SGIP1: variants seen among roughly 807,000 people sequenced by gnomAD.
SGIP1 encodes the protein SH3GL interacting endocytic adaptor 1.
A neutral mutation model predicts 107.5 loss-of-function variants in SGIP1; 38 were observed. That is an observed-to-expected ratio of 0.35 (90% CI 0.27 to 0.46). SGIP1 has a LOEUF of 0.46. Ranked by LOEUF, SGIP1 falls within the 20% of genes least tolerant of loss-of-function variation. The pLI is 1.00. For synonymous variants in SGIP1, 365 were observed against 366.1 expected, an observed-to-expected ratio of 1.00 and a Z score of 0.03; for missense variants, 929 against 1,019.5, an observed-to-expected ratio of 0.91 and a Z score of 1.21.
intron 17 of SGIP1, 147 bp from the exon 18 acceptor site, chr1:66,695,287 C>T: frequency 1.6e-6 from 2 of 1,264,568 alleles, no homozygotes; most frequent in Non-Finnish European, 2.0e-6. Context: ...GATTGCCAGC[C>T]TTCCCTTTTT....
rs954140077 is a variant in SGIP1 at position 66,679,831 on chromosome 1, T to C, written c.814+79T>C. On this transcript the variant is annotated intron_variant, in intron 14 of 24. Coordinates refer to ENST00000371037, the MANE Select transcript of SGIP1 (RefSeq NM_032291.4). ...CCGGATGAACATGCCCTTGATGTGT[T>C]GAAAACTGTAGGCTACACAAAAACA... The C allele has an allele frequency of 1.7e-5, 22 of 1,307,304 alleles. No homozygotes were observed. The East Asian group carries it at 6.1e-4, about 36-fold the overall frequency. The allele number at this position is 1,307,304 out of a possible 1,614,324, so 81.0% of individuals were successfully genotyped here.
intron 18 of SGIP1, among the ~76,000 whole-genome samples, chr1:66,708,698 G>T (rs1402124270): frequency 6.6e-6 from 1 of 152,064 alleles, no homozygotes; most frequent in African/African-American, 2.4e-5. Context: ...AAAGACCCAG[G>T]TTGAAGAAAA....
At position 66,700,322 on chromosome 1, in the gene SGIP1, G is replaced by C. The variant is rs1021428033; in HGVS notation, c.1630+4829G>C. On this transcript the variant is annotated intron_variant, in intron 18 of 24. Transcript: ENST00000371037. ...GGAGGTGGAGGTTGCAGTGAGCCAA[G>C]ATTGCACCACTGCACTCCAGCCTGG... Among the ~76,000 whole-genome samples the C allele has an allele frequency of 5.0e-5, 7 of 141,196 alleles. 1 individual carries two copies. Among genetic ancestry groups the C allele is most frequent in the Admixed American group, 3.1e-4 (4 of 13,034 alleles). The allele number at this position is 141,196 out of a possible 152,430, so 92.6% of individuals were successfully genotyped here. A position where few individuals can be genotyped will look rare whatever the true frequency, so the allele number is the denominator to read the frequency against.
chr1:66,659,940 AAAAGAAAGAAAAAG>A lies in SGIP1; in HGVS notation c.460-561_460-548del, dbSNP rs1191802028. Among the ~76,000 whole-genome samples the A allele has an allele frequency of 4.1e-3, 248 of 60,520 alleles. 16 individuals are homozygous for A. Among genetic ancestry groups the A allele is most frequent in the Non-Finnish European group, 6.1e-3 (212 of 34,524 alleles). The allele number at this position is 60,520 out of a possible 152,430, so 39.7% of individuals were successfully genotyped here. On this transcript the variant is annotated intron_variant, in intron 7 of 24. Transcript: ENST00000371037. Reference sequence around the variant, plus strand: ...ACAGAAAGAGAAAAAGAGAGAAAGAAAAAGAAAGAAAAAGAAAGAAAGAAAGAAAGAAAGAAAGA... The same window carrying A: ...ACAGAAAGAGAAAAAGAGAGAAAGAAAAAGAAAGAAAGAAAGAAAGAAAGA...
chr1:66,604,584 A>G (rs1207915970), intron 1 of SGIP1, among the ~76,000 whole-genome samples: 1 of 152,206 alleles, frequency 6.6e-6, no homozygotes, highest in Non-Finnish European at 1.5e-5. Context: ...ACTTTCTCTC[A>G]ACCCATTTTC....
intron 1 of SGIP1, among the ~76,000 whole-genome samples, chr1:66,599,889 A>G (rs139621193): frequency 0.017 from 2,520 of 152,294 alleles, 40 homozygotes; most frequent in Admixed American, 0.039. Flanking sequence ...CAACCTGATG[A>G]ACTCCAATTG....
intron 1 of SGIP1, among the ~76,000 whole-genome samples, chr1:66,564,428 A>G (rs1165159459): frequency 6.6e-6 from 1 of 151,928 alleles, no homozygotes; most frequent in Non-Finnish European, 1.5e-5. Flanking sequence ...GTATCCAGTA[A>G]CCAGGGAAAA....
At chr1:66,543,368 C>T (rs1389996259) in intron 1 of SGIP1, among the ~76,000 whole-genome samples, 1 of 152,106 alleles carries the variant, frequency 6.6e-6, no homozygotes, top group Non-Finnish European at 1.5e-5. Flanking sequence ...ATAATGTGTG[C>T]CATCATTTGA....
intron 1 of SGIP1, among the ~76,000 whole-genome samples, chr1:66,613,069 C>T (rs537663051): frequency 6.6e-6 from 1 of 152,274 alleles, no homozygotes; most frequent in South Asian, 2.1e-4. Flanking sequence ...AACAAGTATA[C>T]AGCATAGTAC....
chr1:66,673,221 T>C, intron 11 of SGIP1, 60 bp from the exon 12 acceptor site: 1 of 1,520,428 alleles, frequency 6.6e-7, no homozygotes, highest in South Asian at 1.1e-5. Flanking sequence ...CTTGTATATC[T>C]TTTTGAGTAT....
chr1:66,678,448 G>C (rs745727506), intron 13 of SGIP1, among the ~76,000 whole-genome samples: 4 of 152,098 alleles, frequency 2.6e-5, no homozygotes, highest in Non-Finnish European at 4.4e-5. Context: ...TTCTATTTTA[G>C]CTTATTAGGC....
intron 1 of SGIP1, among the ~76,000 whole-genome samples, chr1:66,612,735 A>G (rs958630945): frequency 1.3e-5 from 2 of 152,228 alleles, no homozygotes; most frequent in African/African-American, 4.8e-5. Context: ...TAAAGCTAAA[A>G]TCTGATGTCA....
At position 66,614,809 on chromosome 1, in the gene SGIP1, C is replaced by CTTTTTTTT. The variant is rs10707091; in HGVS notation, c.11-11018_11-11011dup. Among the ~76,000 whole-genome samples the CTTTTTTTT allele has an allele frequency of 2.2e-4, 13 of 59,416 alleles. 2 individuals carry two copies. The highest frequency in any genetic ancestry group is 3.0e-4 in the Non-Finnish European group (10 of 33,572). 39.0% of individuals were successfully genotyped at this position (59,416 alleles called of 152,430 possible). A position where few individuals can be genotyped will look rare whatever the true frequency, so the allele number is the denominator to read the frequency against. ...CTAATAGGGGCTATGTTCCAGCTGT[C>CTTTTTTTT]TTTTTTTTTTTTTTTTTTTTTTTTT... On this transcript the variant is annotated intron_variant, in intron 1 of 24. Transcript: ENST00000371037.
chr1:66,683,249 C>T (rs909504121), intron 15 of SGIP1, among the ~76,000 whole-genome samples: 3 of 152,164 alleles, frequency 2.0e-5, no homozygotes, highest in African/African-American at 7.2e-5. Flanking sequence ...TGACAACATC[C>T]CCCAGCGCTT....
chr1:66,642,420 A>G (rs2076960184), intron 5 of SGIP1, among the ~76,000 whole-genome samples: 1 of 152,158 alleles, frequency 6.6e-6, no homozygotes, highest in Admixed American at 6.6e-5. Context: ...CCTGTCTAAC[A>G]CAGGTGTTTT....
chr1:66,682,477 C>G, intron 15 of SGIP1, 108 bp downstream of exon 15: 1 of 1,357,386 alleles, frequency 7.4e-7, no homozygotes, highest in Non-Finnish European at 1.0e-6. Flanking sequence ...AGCTTCAGCC[C>G]TCACTCCTCT....
chr1:66,750,030 TGTGGGG>T lies in SGIP1; in HGVS notation c.*6939_*6944del, dbSNP rs749755162. The stretch of plus-strand genomic sequence containing the variant: ...CTCTCTCTCTCTTTCTCTGTGTGTG[TGTGGGG>T]GTGTGTGTGTGTGTGTGTGTGTGTG... On this transcript the variant is annotated 3_prime_UTR_variant, in exon 25 of 25. Coordinates refer to ENST00000371037, the MANE Select transcript of SGIP1 (RefSeq NM_032291.4). Among the ~76,000 whole-genome samples the T allele has an allele frequency of 2.6e-3, 147 of 56,156 alleles. No homozygotes were observed. The highest frequency in any genetic ancestry group is 3.2e-3 in the Admixed American group (20 of 6,284). The allele number at this position is 56,156 out of a possible 152,430, so 36.8% of individuals were successfully genotyped here. A position where few individuals can be genotyped will look rare whatever the true frequency, so the allele number is the denominator to read the frequency against.
rs745469510 is a variant in SGIP1, at chr1:66,636,015, G to T, written c.171G>T (p.Ser57=). Residue 57 remains serine (S), a splice_region_variant and synonymous_variant, in exon 4 of 25, where the codon TCG becomes TCT. Transcript: ENST00000371037. The part of the protein sequence containing the change: ...ECAREGGKKV[S]KKSNGAPNGF... Reference sequence around the variant, plus strand: ...CGCGTGAAGGAGGAAAAAAAGTTTCGGTAAGGAAACAGATTTTAGTTTAAA... The same window carrying T: ...CGCGTGAAGGAGGAAAAAAAGTTTCTGTAAGGAAACAGATTTTAGTTTAAA... The T allele has an allele frequency of 1.2e-6, 2 of 1,613,012 alleles. No individual in the cohort carries two copies. Among genetic ancestry groups the T allele is most frequent in the East Asian group, 4.5e-5 (2 of 44,762 alleles).
chr1:66,627,672 T>C (rs1188054543), intron 2 of SGIP1, among the ~76,000 whole-genome samples: 1 of 152,236 alleles, frequency 6.6e-6, no homozygotes, highest in African/African-American at 2.4e-5. Context: ...ACTGTTGTCC[T>C]GCAAATTTTT....
Sources: gnomAD v4.1 joint callset for allele counts (sites outside exome capture counted in the v4.1 genomes callset) on GRCh38, gnomAD v4.1.1 for gene constraint, MANE v1.5 for transcripts, NCBI Gene and HGNC (gene_info 2026-07-23, HGNC 2026-07-21) for gene names.